Variants in RNF169 observed in about 807,000 individuals in gnomAD.
RNF169 encodes E3 ubiquitin-protein ligase RNF169.
In RNF169, 24 loss-of-function variants were observed where a neutral mutation model predicts 53.9. The ratio of observed to expected loss-of-function variants is 0.45; its 90% CI spans 0.32 to 0.63. The LOEUF is 0.63. Among genes scored for constraint, RNF169 ranks in the 20% least tolerant of loss-of-function variants. RNF169 has a pLI of 0.04. For missense variants in RNF169, 883 were observed against 906.2 expected (o/e 0.97, Z 0.33); for synonymous variants, 396 against 363.5 (o/e 1.09, Z -1.02).
intron 4 of RNF169, among the ~76,000 whole-genome samples, chr11:74,820,272 A>G (rs1261505748): frequency 6.6e-6 from 1 of 152,200 alleles, no homozygotes; most frequent in Non-Finnish European, 1.5e-5. Context: ...GACCTTGAGT[A>G]AAATCAGTTG....
intron 1 of RNF169, among the ~76,000 whole-genome samples, chr11:74,785,222 TTATATATATTA>T (rs1565176552): frequency 1.8e-4 from 18 of 101,194 alleles, no homozygotes; most frequent in Admixed American, 4.5e-4. Context: ...TATATATATG[TTATATATATTA>T]TATATATGTT....
At chr11:74,759,329 A>C (rs1159704363) in intron 1 of RNF169, among the ~76,000 whole-genome samples, 261 of 131,460 alleles carry the variant, frequency 2.0e-3, no homozygotes, top group Admixed American at 2.3e-3. Flanking sequence ...TGCCCTGGCC[A>C]GAACTTCCAA....
At chr11:74,776,070 T>C (rs2035328831) in intron 1 of RNF169, among the ~76,000 whole-genome samples, 1 of 152,146 alleles carries the variant, frequency 6.6e-6, no homozygotes, top group Non-Finnish European at 1.5e-5. Flanking sequence ...TGACTTACTG[T>C]CTTCCCATCT....
chr11:74,822,573 T>C (rs1403826913), intron 4 of RNF169, among the ~76,000 whole-genome samples: 1 of 152,226 alleles, frequency 6.6e-6, no homozygotes, highest in Non-Finnish European at 1.5e-5. Flanking sequence ...TAGATCAGTA[T>C]GCTGTGGTGC....
intron 2 of RNF169, among the ~76,000 whole-genome samples, chr11:74,801,931 A>G (rs2035737233): frequency 6.6e-6 from 1 of 152,236 alleles, no homozygotes; most frequent in Non-Finnish European, 1.5e-5. Context: ...TGGCCCAGAG[A>G]TAACCAGAAC....
chr11:74,773,955 A>G (rs373664257), intron 1 of RNF169, among the ~76,000 whole-genome samples: 1 of 152,202 alleles, frequency 6.6e-6, no homozygotes, highest in East Asian at 1.9e-4. Flanking sequence ...GTACCCCCTC[A>G]TGGAGCACAT....
chr11:74,762,391 A>T (rs1309179972), intron 1 of RNF169, among the ~76,000 whole-genome samples: 1 of 152,056 alleles, frequency 6.6e-6, no homozygotes, highest in Non-Finnish European at 1.5e-5. Context: ...TGCCTTTTAG[A>T]GTTTCCAGTT....
Position 74,834,766 on chromosome 11 carries a change from C to A in RNF169, c.933C>A (p.Asn311Lys). 6.2e-7 allele frequency: 1 copy of A among 1,613,542 alleles called. No homozygotes were observed. The highest frequency in any genetic ancestry group is 8.5e-7 in the Non-Finnish European group (1 of 1,179,646). ...AKSRVRAVPGNKAKVTTMTPA... is the reference protein window; with the variant it reads ...AKSRVRAVPGKKAKVTTMTPA... ...GCAGAGTCAGAGCAGTTCCAGGCAA[C>A]AAAGCCAAGGTACACCTCAGCCACA... The change falls in exon 5 of 6, where the codon AAC becomes AAA. Residue 311 changes from asparagine (N) to lysine (K), a missense_variant. Asn to Lys is a moderately conservative substitution (Grantham distance 94, BLOSUM62 0). Transcript: ENST00000299563.
chr11:74,795,897 T>G lies in RNF169; in HGVS notation c.576+6198T>G, dbSNP rs555283551. On this transcript the variant is annotated intron_variant, in intron 2 of 5. Coordinates refer to ENST00000299563, the MANE Select transcript of RNF169 (RefSeq NM_001098638.2). ...ATAAAGCAGACATGGTTTTGTTGGA[T>G]GTTAACAAATTGCCTTTTAAAAAGA... Among the ~76,000 whole-genome samples, 126 of 152,322 alleles carry G rather than the reference T, an allele frequency of 8.3e-4. 1 individual carries two copies. Among genetic ancestry groups the G allele is most frequent in the Non-Finnish European group, 1.5e-3 (101 of 68,034 alleles).
At chr11:74,832,788 CA>C (rs1193381815) in intron 4 of RNF169, among the ~76,000 whole-genome samples, 1 of 152,026 alleles carries the variant, frequency 6.6e-6, no homozygotes, top group East Asian at 1.9e-4. Context: ...TTTTCTAACC[CA>C]AGGTATATAT....
chr11:74,789,574 G>C, intron 1 of RNF169, 52 bp from the exon 2 acceptor site: 1 of 1,169,612 alleles, frequency 8.5e-7, no homozygotes, highest in South Asian at 1.3e-5. Context: ...GCCTCCTGTG[G>C]GTCTTCCTAG....
At chr11:74,762,714 C>G (rs1238342102) in intron 1 of RNF169, among the ~76,000 whole-genome samples, 1 of 152,102 alleles carries the variant, frequency 6.6e-6, no homozygotes, top group Non-Finnish European at 1.5e-5. Flanking sequence ...AACTACAAAC[C>G]AAAACTGTAA....
chr11:74,770,640 G>A (rs2035246446), intron 1 of RNF169, among the ~76,000 whole-genome samples: 1 of 152,122 alleles, frequency 6.6e-6, no homozygotes, highest in Non-Finnish European at 1.5e-5. Context: ...CTTGGCATAC[G>A]TTTAGCCTCT....
chr11:74,840,190 T>C lies in RNF169; in HGVS notation c.*3460T>C, dbSNP rs912091164. On this transcript the variant is annotated 3_prime_UTR_variant, in exon 6 of 6. Transcript: ENST00000299563. ...GACAGACATTTACTGAGCTTCAGAC[T>C]TGAGCCAACCCTGAGCTGGACTGTG... The C allele has an allele frequency of 6.6e-6, 1 of 152,232 alleles. No homozygotes were observed. Among genetic ancestry groups the C allele is most frequent in the Non-Finnish European group, 1.5e-5 (1 of 68,044 alleles). 9.4% of individuals were successfully genotyped at this position (152,232 alleles called of 1,614,324 possible).
rs1413274502 is a variant in RNF169 at position 74,821,550 on chromosome 11, T to C, written c.842+3836T>C. ...GCGGGCGCCTGTAGTCCCAGCTACCTGGGAGGCTGAGGCAGGAGAATGGCG... is the reference window on the plus strand; with the variant it reads ...GCGGGCGCCTGTAGTCCCAGCTACCCGGGAGGCTGAGGCAGGAGAATGGCG... On this transcript the variant is annotated intron_variant, in intron 4 of 5. Coordinates refer to ENST00000299563, the MANE Select transcript of RNF169 (RefSeq NM_001098638.2). Among the ~76,000 whole-genome samples the C allele has an allele frequency of 1.4e-4, 15 of 107,030 alleles. 1 individual carries two copies. The highest frequency in any genetic ancestry group is 2.6e-4 in the Non-Finnish European group (15 of 58,306). 70.2% of individuals were successfully genotyped at this position (107,030 alleles called of 152,430 possible).
intron 4 of RNF169, chr11:74,831,667 A>G (rs1360473622): frequency 6.6e-6 from 1 of 151,688 alleles, no homozygotes; most frequent in African/African-American, 2.4e-5. Context: ...GAATTTTCAG[A>G]GGATCCCAAA....
intron 2 of RNF169, among the ~76,000 whole-genome samples, chr11:74,795,428 C>T (rs2035634522): frequency 6.6e-6 from 1 of 152,128 alleles, no homozygotes; most frequent in Non-Finnish European, 1.5e-5. Flanking sequence ...AAGCAATCCT[C>T]CCTCCTGGGC....
chr11:74,769,737 A>G (rs1056004092), intron 1 of RNF169, among the ~76,000 whole-genome samples: 5 of 152,202 alleles, frequency 3.3e-5, no homozygotes, highest in African/African-American at 1.2e-4. Flanking sequence ...AGTACGGAAG[A>G]TAGGAGTCAT....
intron 5 of RNF169, 145 bp from the exon 6 acceptor site, chr11:74,835,401 A>G: frequency 1.6e-6 from 1 of 631,694 alleles, no homozygotes; most frequent in Non-Finnish European, 2.8e-6. Context: ...TAAGTTAGGG[A>G]TTTTCTCCAT....
Sources: allele counts gnomAD v4.1 joint callset (sites outside exome capture counted in the v4.1 genomes callset), GRCh38; gene constraint gnomAD v4.1.1; transcripts MANE v1.5; gene names NCBI Gene and HGNC (gene_info 2026-07-23, HGNC 2026-07-21).